The following ME1 variants were observed in gnomAD, a reference collection of about 807,000 sequenced individuals.
The protein encoded by ME1 is malic enzyme 1, also known as NADP-dependent malic enzyme.
ME1 carries 74 observed loss-of-function variants against 66.4 expected under a neutral mutation model. The ratio of observed to expected loss-of-function variants is 1.11; its 90% CI spans 0.92 to 1.35. The LOEUF is 1.35. Ranked by LOEUF, ME1 falls within the 40% of genes most tolerant of loss-of-function variation. The probability of loss-of-function intolerance (pLI) is 0.00; values close to 1 mark genes in which losing one functional copy is unlikely to be tolerated. For synonymous variants in ME1, 251 were observed against 235.6 expected (o/e 1.07, Z -0.60); for missense variants, 750 against 694.1 (o/e 1.08, Z -0.90).
chr6:83,327,312 A>T (rs1341185486), intron 5 of ME1, among the ~76,000 whole-genome samples: 1 of 152,106 alleles, frequency 6.6e-6, no homozygotes, highest in Non-Finnish European at 1.5e-5. Flanking sequence ...ATAACCTTAA[A>T]CTCTGACCAT....
At chr6:83,344,639 T>C (rs889413574) in intron 5 of ME1, among the ~76,000 whole-genome samples, 1 of 152,016 alleles carries the variant, frequency 6.6e-6, no homozygotes, top group African/African-American at 2.4e-5. Context: ...ATCCCAGCAC[T>C]TTGGGAGGGC....
At chr6:83,223,588 G>A (rs1790131992) in intron 12 of ME1, among the ~76,000 whole-genome samples, 172 bp downstream of exon 12, 1 of 152,192 alleles carries the variant, frequency 6.6e-6, no homozygotes, top group Admixed American at 6.5e-5. Context: ...CCTTTCGTTT[G>A]TGAGTCAGTA....
chr6:83,229,276 T>C (rs1295693334), intron 9 of ME1: 1 of 388,562 alleles, frequency 2.6e-6, no homozygotes, highest in East Asian at 8.4e-5. Flanking sequence ...TCACACATTG[T>C]GTTTTATAGC....
At chr6:83,408,687 A>C (rs1487385236) in intron 1 of ME1, among the ~76,000 whole-genome samples, 2 of 152,236 alleles carry the variant, frequency 1.3e-5, no homozygotes, top group Non-Finnish European at 2.9e-5. Flanking sequence ...TAATGGACCT[A>C]AGATATTTGC....
chr6:83,286,086 A>C (rs1767391373), intron 6 of ME1, among the ~76,000 whole-genome samples: 1 of 152,188 alleles, frequency 6.6e-6, no homozygotes. Flanking sequence ...AGATTTCTTT[A>C]AATAAGACAG....
chr6:83,324,716 C>CAAAAAAAAA (rs55866196), intron 5 of ME1, among the ~76,000 whole-genome samples: 15 of 49,306 alleles, frequency 3.0e-4, no homozygotes, highest in Non-Finnish European at 3.4e-4. Flanking sequence ...GCCTACCAAC[C>CAAAAAAAAA]AAAAAAAAAA....
At chr6:83,294,063 T>C (rs1767552019) in intron 6 of ME1, among the ~76,000 whole-genome samples, 2 of 152,202 alleles carry the variant, frequency 1.3e-5, no homozygotes, top group Admixed American at 6.5e-5. Context: ...GAAAACAACA[T>C]AAATGTTTGC....
At chr6:83,411,994 C>G (rs3798887) in intron 1 of ME1, among the ~76,000 whole-genome samples, 48,410 of 151,882 alleles carry the variant, frequency 0.32, 8,074 homozygotes, top group Middle Eastern at 0.49. Flanking sequence ...ATCTTCTTGA[C>G]AAAACTGAGA....
chr6:83,248,332 GT>G (rs1183454436), intron 7 of ME1, among the ~76,000 whole-genome samples: 1 of 152,144 alleles, frequency 6.6e-6, no homozygotes. Context: ...GAATTCTGTA[GT>G]TTTGTTCAAC....
At chr6:83,298,957 T>TG (rs1767659581) in intron 6 of ME1, among the ~76,000 whole-genome samples, 1 of 108,424 alleles carries the variant, frequency 9.2e-6, no homozygotes, top group African/African-American at 3.2e-5. Context: ...TTTTTTTTTT[T>TG]TTTTTTTTTT....
At chr6:83,303,636 T>A (rs1767770891) in intron 6 of ME1, among the ~76,000 whole-genome samples, 1 of 152,298 alleles carries the variant, frequency 6.6e-6, no homozygotes, top group African/African-American at 2.4e-5. Flanking sequence ...ATCACAAGCA[T>A]GGCTGAATCA....
intron 11 of ME1, among the ~76,000 whole-genome samples, chr6:83,224,698 TAA>T (rs375646721): frequency 3.2e-5 from 4 of 126,632 alleles, no homozygotes; most frequent in African/African-American, 1.2e-4. Context: ...AAAAAAAAAA[TAA>T]AAATAATAAT....
chr6:83,280,412 T>A (rs1044188882), intron 6 of ME1, among the ~76,000 whole-genome samples: 2 of 152,110 alleles, frequency 1.3e-5, no homozygotes, highest in Non-Finnish European at 1.5e-5. Context: ...TATTTAAAAG[T>A]GGATTTGGAT....
Position 83,430,934 on chromosome 6 carries a change from A to T in ME1, c.21T>A (p.Arg7=), listed in dbSNP as rs754366572. The T allele has an allele frequency of 6.3e-7, 1 of 1,590,958 alleles. No individual in the cohort carries two copies. Among genetic ancestry groups the T allele is most frequent in the South Asian group, 1.1e-5 (1 of 88,624 alleles). The change falls in exon 1 of 14, where the codon CGT becomes CGA. Residue 7 remains arginine, a synonymous_variant. Transcript: ENST00000369705. ...AGCCGCGCTGATGGGTGTGGCGGCG[A>T]CGGGGGGCTTCGGGCTCCATGGCTG... The part of the protein sequence containing the change: MEPEAP[R]RRHTHQRGYL...
intron 7 of ME1, among the ~76,000 whole-genome samples, chr6:83,247,169 T>A (rs1583338491): frequency 6.6e-6 from 1 of 152,220 alleles, no homozygotes; most frequent in Non-Finnish European, 1.5e-5. Context: ...ATGTGCAATA[T>A]TTAGAGTGTC....
intron 3 of ME1, chr6:83,393,159 A>G: frequency 7.6e-7 from 1 of 1,307,360 alleles, no homozygotes; most frequent in Non-Finnish European, 1.1e-6. Context: ...GGAAAAACCT[A>G]CCAAATATGA....
intron 3 of ME1, among the ~76,000 whole-genome samples, chr6:83,355,412 A>AT (rs972153830): frequency 6.6e-6 from 1 of 152,092 alleles, no homozygotes; most frequent in Non-Finnish European, 1.5e-5. Flanking sequence ...AGGAAACACC[A>AT]TTTTTTTAAA....
At chr6:83,346,616 G>A (rs958305097) in intron 4 of ME1, among the ~76,000 whole-genome samples, 1 of 152,176 alleles carries the variant, frequency 6.6e-6, no homozygotes, top group Non-Finnish European at 1.5e-5. Flanking sequence ...AGAAGAGCAA[G>A]TGGGTAAAGT....
intron 3 of ME1, among the ~76,000 whole-genome samples, chr6:83,382,490 A>G (rs1769425370): frequency 6.6e-6 from 1 of 152,142 alleles, no homozygotes; most frequent in Non-Finnish European, 1.5e-5. Context: ...TTAAATTACT[A>G]TAATTAATCC....
Sources: allele counts gnomAD v4.1 joint callset (sites outside exome capture counted in the v4.1 genomes callset), GRCh38; gene constraint gnomAD v4.1.1; transcripts MANE v1.5; gene names NCBI Gene and HGNC (gene_info 2026-07-23, HGNC 2026-07-21).